RGS6: variants seen among roughly 807,000 people sequenced by gnomAD.
RGS6 encodes the protein regulator of G-protein signaling 6.
In RGS6, 30 loss-of-function variants were observed where a neutral mutation model predicts 78.5. The observed-to-expected ratio is 0.38, with a 90% confidence interval of 0.29 to 0.52. The LOEUF (loss-of-function observed/expected upper bound fraction) is 0.52, where lower values mean the gene tolerates loss of function less well. Ranked by LOEUF, RGS6 falls within the 20% of genes least tolerant of loss-of-function variation. The probability of loss-of-function intolerance (pLI) is 0.85; values close to 1 mark genes in which losing one functional copy is unlikely to be tolerated. For synonymous variants in RGS6, 206 were observed against 206.0 expected, an observed-to-expected ratio of 1.00 and a Z score of 0.00; for missense variants, 495 against 609.7, an observed-to-expected ratio of 0.81 and a Z score of 1.98.
chr14:72,207,965 A>G (rs1258961363), intron 2 of RGS6, among the ~76,000 whole-genome samples: 2 of 152,242 alleles, frequency 1.3e-5, no homozygotes, highest in African/African-American at 2.4e-5. Flanking sequence ...CTGGGGCATA[A>G]TAAGGGCTCT....
At chr14:72,158,596 T>C (rs992832817) in intron 2 of RGS6, among the ~76,000 whole-genome samples, 8 of 152,168 alleles carry the variant, frequency 5.3e-5, no homozygotes, top group African/African-American at 1.7e-4. Context: ...CCCCAAATTA[T>C]GTTCGTCACC....
chr14:71,891,358 G>C, the RGS6 span, among the ~76,000 whole-genome samples: 1 of 152,202 alleles, frequency 6.6e-6, no homozygotes, highest in Non-Finnish European at 1.5e-5. Context: ...CAGAAACAAG[G>C]TGGCTCCTCC....
chr14:72,212,208 G>A (rs1441022054), intron 2 of RGS6, among the ~76,000 whole-genome samples: 1 of 152,132 alleles, frequency 6.6e-6, no homozygotes, highest in Non-Finnish European at 1.5e-5. Context: ...TCCATTTTGA[G>A]GACTCAGCAC....
chr14:72,404,583 C>T (rs1295531150), intron 3 of RGS6, among the ~76,000 whole-genome samples: 6 of 152,224 alleles, frequency 3.9e-5, no homozygotes, highest in African/African-American at 1.4e-4. Flanking sequence ...TGTGGCCCCA[C>T]AGGGCAAGCA....
At chr14:72,342,800 T>C (rs553869390) in intron 2 of RGS6, among the ~76,000 whole-genome samples, 1 of 140,288 alleles carries the variant, frequency 7.1e-6, no homozygotes, top group Non-Finnish European at 1.5e-5. Context: ...CCCAGAGAGA[T>C]CAAAAAAAAT....
chr14:71,959,841 C>T (rs115864129), intron 1 of RGS6, among the ~76,000 whole-genome samples: 3,245 of 152,286 alleles, frequency 0.021, 97 homozygotes, highest in African/African-American at 0.072. Flanking sequence ...TGTCTTCCCT[C>T]TTCAAAAGCA....
intron 2 of RGS6, among the ~76,000 whole-genome samples, chr14:72,274,448 C>T (rs1489290066): frequency 6.6e-6 from 1 of 152,218 alleles, no homozygotes; most frequent in East Asian, 1.9e-4. Flanking sequence ...CCTCCCATGG[C>T]CCCCTAGCAT....
At chr14:72,210,757 T>G (rs2043914733) in intron 2 of RGS6, among the ~76,000 whole-genome samples, 1 of 152,116 alleles carries the variant, frequency 6.6e-6, no homozygotes, top group African/African-American at 2.4e-5. Flanking sequence ...AATGCCATCT[T>G]AAAACTCTTC....
At chr14:72,120,629 C>A (rs2096023963) in intron 2 of RGS6, among the ~76,000 whole-genome samples, 1 of 152,194 alleles carries the variant, frequency 6.6e-6, no homozygotes, top group South Asian at 2.1e-4. Context: ...GAATAGTTCT[C>A]AGATGTGCAA....
At chr14:72,432,277 G>C (rs1384218523) in intron 3 of RGS6, among the ~76,000 whole-genome samples, 1 of 152,196 alleles carries the variant, frequency 6.6e-6, no homozygotes, top group Admixed American at 6.5e-5. Context: ...TGGCCCAGTT[G>C]CCTTGTACCA....
intron 2 of RGS6, among the ~76,000 whole-genome samples, chr14:72,235,383 G>A (rs2050748378): frequency 6.6e-6 from 1 of 152,178 alleles, no homozygotes; most frequent in African/African-American, 2.4e-5. Context: ...GGGACAGTGG[G>A]GACTGGAGCT....
chr14:72,540,485 T>A, intron 17 of RGS6: 78 of 1,486,516 alleles, frequency 5.2e-5, no homozygotes, highest in African/African-American at 1.0e-4. Context: ...GAACCATAGC[T>A]CATCGAAAAA....
At chr14:72,435,188 T>A (rs2094844060) in intron 3 of RGS6, among the ~76,000 whole-genome samples, 1 of 152,346 alleles carries the variant, frequency 6.6e-6, no homozygotes, top group South Asian at 2.1e-4. Context: ...CTTCTGAAGT[T>A]TTTTATGCTA....
At position 71,998,450 on chromosome 14, in the gene RGS6, T is replaced by G. The variant is rs143397382; in HGVS notation, c.84+33575T>G. On this transcript the variant is annotated intron_variant, in intron 2 of 17. Coordinates refer to ENST00000553525, the MANE Select transcript of RGS6 (RefSeq NM_001204424.2). ...TTCCCAGAACAATATAGAACTAAGG[T>G]CAGAGTACATCCCTGTAGCTGCCAC... 2.0e-4 allele frequency among the ~76,000 whole-genome samples: 31 copies of G among 152,292 alleles called. No homozygotes were observed. The East Asian group carries it at 5.2e-3, about 26-fold the overall frequency.
chr14:72,296,758 G>T (rs966523534), intron 2 of RGS6, among the ~76,000 whole-genome samples: 2 of 152,084 alleles, frequency 1.3e-5, no homozygotes, highest in African/African-American at 2.4e-5. Context: ...TATTGAGATT[G>T]TCTTTTGATA....
intron 3 of RGS6, among the ~76,000 whole-genome samples, chr14:72,390,018 C>A (rs2089495793): frequency 6.6e-6 from 1 of 150,664 alleles, no homozygotes; most frequent in African/African-American, 2.4e-5. Context: ...TGGGAAAAAT[C>A]CTTAAAAAAT....
intron 2 of RGS6, among the ~76,000 whole-genome samples, chr14:72,059,017 C>A (rs1390959096): frequency 1.1e-4 from 17 of 152,110 alleles, no homozygotes; most frequent in Admixed American, 1.0e-3. Flanking sequence ...GATTCTTGTG[C>A]CTCAGCCTCC....
At chr14:72,159,009 T>A (rs2096815135) in intron 2 of RGS6, among the ~76,000 whole-genome samples, 1 of 152,236 alleles carries the variant, frequency 6.6e-6, no homozygotes, top group South Asian at 2.1e-4. Context: ...AGAAGGTGAA[T>A]GAGCTAATAC....
chr14:72,110,591 T>C (rs2095736604), intron 2 of RGS6, among the ~76,000 whole-genome samples: 1 of 152,212 alleles, frequency 6.6e-6, no homozygotes, highest in African/African-American at 2.4e-5. Flanking sequence ...ATTAGCTCCC[T>C]GAGCATCAGA....
Sources: gnomAD v4.1 joint callset for allele counts (sites outside exome capture counted in the v4.1 genomes callset) on GRCh38, gnomAD v4.1.1 for gene constraint, MANE v1.5 for transcripts, NCBI Gene and HGNC (gene_info 2026-07-23, HGNC 2026-07-21) for gene names.